LRFN5: variants seen among roughly 807,000 people sequenced by gnomAD.
The protein encoded by LRFN5 is leucine-rich repeat and fibronectin type-III domain-containing protein 5.
Under a neutral mutation model 45.6 loss-of-function variants are expected in LRFN5, and 24 were observed. The observed-to-expected ratio is 0.53, with a 90% CI of 0.38 to 0.74. LRFN5 has a LOEUF of 0.74. Ranked by LOEUF, LRFN5 falls within the 30% of genes least tolerant of loss-of-function variation. The pLI is 0.00. For synonymous variants in LRFN5, 340 were observed against 313.8 expected (o/e 1.08, Z -0.88); for missense variants, 776 against 861.5 (o/e 0.90, Z 1.24).
At chr14:41,793,774 A>C (rs1001643747) in intron 2 of LRFN5, among the ~76,000 whole-genome samples, 7 of 152,096 alleles carry the variant, frequency 4.6e-5, no homozygotes, top group African/African-American at 1.7e-4. Context: ...GATGAAGCAC[A>C]AAAGCAGATC....
At chr14:41,793,778 G>A (rs373853554) in intron 2 of LRFN5, among the ~76,000 whole-genome samples, 18 of 151,958 alleles carry the variant, frequency 1.2e-4, no homozygotes, top group African/African-American at 3.6e-4. Flanking sequence ...AAGCACAAAA[G>A]CAGATCACTA....
chr14:41,773,923 T>C (rs1164042864), intron 2 of LRFN5, among the ~76,000 whole-genome samples: 1 of 152,200 alleles, frequency 6.6e-6, no homozygotes, highest in Non-Finnish European at 1.5e-5. Flanking sequence ...TACATACTGA[T>C]ACAACAGCTA....
intron 4 of LRFN5, among the ~76,000 whole-genome samples, chr14:41,897,253 A>G (rs1890971365): frequency 6.6e-6 from 1 of 151,906 alleles, no homozygotes; most frequent in African/African-American, 2.4e-5. Context: ...TAAGTAGTAA[A>G]TTACCTCACT....
Position 41,891,762 on chromosome 14 carries a change from G to A in LRFN5, c.1898G>A (p.Trp633Ter). Residue 633 changes from tryptophan to a stop codon, truncating the protein, a stop_gained, in exon 4 of 6, where the codon TGG (tryptophan) becomes TAG (stop). Transcript: ENST00000298119. LOFTEE classifies it high-confidence loss of function. ...STTTSALPPS[W>*]TSSTSVSQKQ... ...ACTACCTCTGCTTTGCCTCCTTCCT[G>A]GACTTCAAGCACTTCTGTGTCCCAA... is the stretch of plus-strand genomic sequence containing the variant. 1 of 1,614,120 alleles carries A rather than the reference G, an allele frequency of 6.2e-7. No individual in the cohort carries two copies. The highest frequency in any genetic ancestry group is 1.1e-5 in the South Asian group (1 of 91,076).
chr14:41,757,879 C>T (rs1468097414), intron 1 of LRFN5, among the ~76,000 whole-genome samples: 1 of 152,142 alleles, frequency 6.6e-6, no homozygotes, highest in Non-Finnish European at 1.5e-5. Context: ...GGACCTGTTC[C>T]TATTCGGCCA....
intron 1 of LRFN5, chr14:41,733,779 C>G (rs1884283614): frequency 6.6e-6 from 1 of 151,538 alleles, no homozygotes; most frequent in Admixed American, 6.6e-5. Flanking sequence ...GTTGGTAACT[C>G]TAAATTTTGT....
chr14:41,903,122 C>A (rs923130543), intron 5 of LRFN5, among the ~76,000 whole-genome samples: 2 of 151,400 alleles, frequency 1.3e-5, no homozygotes, highest in Non-Finnish European at 3.0e-5. Flanking sequence ...TTGCTAAAAT[C>A]AATTTCACTA....
intron 1 of LRFN5, among the ~76,000 whole-genome samples, chr14:41,739,503 A>G (rs1884597006): frequency 1.3e-5 from 2 of 152,118 alleles, no homozygotes; most frequent in Non-Finnish European, 2.9e-5. Context: ...AAAAGAAAAA[A>G]AAATCTTGAG....
intron 1 of LRFN5, among the ~76,000 whole-genome samples, chr14:41,737,980 C>T (rs185679398): frequency 1.4e-3 from 208 of 152,048 alleles, no homozygotes; most frequent in Middle Eastern, 3.4e-3. Flanking sequence ...ATATTCTTCA[C>T]GGAATTAGAA....
At chr14:41,886,548 T>C in intron 2 of LRFN5, 58 bp from the exon 3 acceptor site, 2 of 1,094,652 alleles carry the variant, frequency 1.8e-6, no homozygotes, top group Non-Finnish European at 2.6e-6. Context: ...CTAGTAGGAA[T>C]ATGAATATGA....
intron 1 of LRFN5, among the ~76,000 whole-genome samples, chr14:41,727,889 C>G (rs1884003933): frequency 2.6e-5 from 4 of 152,014 alleles, no homozygotes; most frequent in Admixed American, 6.6e-5. Context: ...TTGAGTAGTA[C>G]ATGAAGGTGG....
chr14:41,807,364 G>A (rs186239479), intron 2 of LRFN5, among the ~76,000 whole-genome samples: 17 of 152,174 alleles, frequency 1.1e-4, no homozygotes, highest in African/African-American at 4.1e-4. Flanking sequence ...AAACCTGTTA[G>A]CCAAAACTAC....
intron 1 of LRFN5, among the ~76,000 whole-genome samples, chr14:41,726,941 A>G (rs1398316713): frequency 6.6e-6 from 1 of 152,202 alleles, no homozygotes; most frequent in Non-Finnish European, 1.5e-5. Flanking sequence ...ATTTACTTTC[A>G]GTTTCTTTAC....
chr14:41,829,421 G>T (rs1298928741), intron 2 of LRFN5, among the ~76,000 whole-genome samples: 2 of 151,782 alleles, frequency 1.3e-5, no homozygotes, highest in African/African-American at 4.8e-5. Flanking sequence ...GAAAACATTA[G>T]TTTTTTAAAT....
chr14:41,638,302 T>C (rs1464967543), intron 1 of LRFN5, among the ~76,000 whole-genome samples: 2 of 152,066 alleles, frequency 1.3e-5, no homozygotes, highest in South Asian at 2.1e-4. Context: ...GAAACCAAGA[T>C]TGGCCCAAGC....
At chr14:41,784,574 A>G (rs901082755) in intron 2 of LRFN5, among the ~76,000 whole-genome samples, 7 of 150,628 alleles carry the variant, frequency 4.6e-5, no homozygotes, top group African/African-American at 1.7e-4. Context: ...AAATGTTTTC[A>G]TTTTTTCTTC....
chr14:41,764,061 G>A (rs148229956), intron 1 of LRFN5, among the ~76,000 whole-genome samples: 1 of 152,216 alleles, frequency 6.6e-6, no homozygotes, highest in East Asian at 1.9e-4. Context: ...ACTAGAAAAT[G>A]TAGTATTAGA....
intron 1 of LRFN5, among the ~76,000 whole-genome samples, chr14:41,621,385 T>A (rs2138558860): frequency 6.6e-6 from 1 of 152,200 alleles, no homozygotes; most frequent in South Asian, 2.1e-4. Context: ...GTGAGCTGAA[T>A]TTAAATGGAG....
At chr14:41,734,029 CT>C (rs58623215) in intron 1 of LRFN5, among the ~76,000 whole-genome samples, 110 of 123,856 alleles carry the variant, frequency 8.9e-4, no homozygotes, top group South Asian at 7.3e-3. Flanking sequence ...CTTTTCTTTT[CT>C]TTTTTTTTTT....
Sources: allele counts gnomAD v4.1 joint callset (sites outside exome capture counted in the v4.1 genomes callset), GRCh38; gene constraint gnomAD v4.1.1; transcripts MANE v1.5; gene names NCBI Gene and HGNC (gene_info 2026-07-23, HGNC 2026-07-21).